The following PHACTR2 variants were observed in gnomAD, a reference collection of about 807,000 sequenced individuals.
PHACTR2 encodes chromosome 6 open reading frame 56.
A neutral mutation model predicts 76.0 loss-of-function variants in PHACTR2; 30 were observed. The observed-to-expected ratio is 0.39, with a 90% CI of 0.30 to 0.54. The LOEUF is 0.54. PHACTR2 is among the 20% of genes least tolerant of loss of function. The pLI is 0.61. For missense variants in PHACTR2, 696 were observed against 781.1 expected, an observed-to-expected ratio of 0.89 and a Z score of 1.30; for synonymous variants, 292 against 292.5, an observed-to-expected ratio of 1.00 and a Z score of 0.02.
In PHACTR2 at chr6:143,556,223, C is replaced by T. The variant is rs1191815038; in HGVS notation, c.217+19016C>T. ...TTGTGATACCAGCTACTGTATAATT[C>T]GGCCCCAGTTCATTTCAGACTTTCT... On this transcript the variant is annotated intron_variant, in intron 1 of 11. Transcript: ENST00000367584. The surrounding 1 kb of genome is among the most constrained non-coding windows in gnomAD (Gnocchi z 4.3). 2.6e-5 allele frequency among the ~76,000 whole-genome samples: 4 copies of T among 152,174 alleles called. No individual in the cohort carries two copies. The highest frequency in any genetic ancestry group is 2.9e-5 in the Non-Finnish European group (2 of 68,034).
At chr6:143,769,633 T>C (rs1406749330) in intron 6 of PHACTR2, among the ~76,000 whole-genome samples, 1 of 152,130 alleles carries the variant, frequency 6.6e-6, no homozygotes. Context: ...AGATGTATGC[T>C]GGACTCTTTG....
chr6:143,666,424 C>G (rs1383253022), intron 1 of PHACTR2, among the ~76,000 whole-genome samples: 5 of 152,158 alleles, frequency 3.3e-5, no homozygotes, highest in African/African-American at 1.2e-4. Context: ...GTTGGTATTT[C>G]TGGTTCTAGA....
At chr6:143,718,580 G>C (rs558220221) in intron 2 of PHACTR2, among the ~76,000 whole-genome samples, 1 of 152,192 alleles carries the variant, frequency 6.6e-6, no homozygotes, top group Admixed American at 6.5e-5. Flanking sequence ...GAAGGATTTT[G>C]TCTGAAGAAT....
intron 1 of PHACTR2, among the ~76,000 whole-genome samples, chr6:143,644,622 T>G (rs962533274): frequency 7.9e-5 from 12 of 152,246 alleles, no homozygotes; most frequent in Admixed American, 2.6e-4. Context: ...CTTTTCACAT[T>G]TTATCAGCTT....
chr6:143,676,572 C>T (rs781706301), upstream of PHACTR2, among the ~76,000 whole-genome samples: 3 of 152,078 alleles, frequency 2.0e-5, no homozygotes, highest in Non-Finnish European at 2.9e-5. This position sits in a 1 kb window ranked among gnomAD's most constrained non-coding sequence, Gnocchi z 4.8. Context: ...TACGGCAACT[C>T]AAAGCAAAGA....
rs1295121661 is a variant in PHACTR2, at chr6:143,771,150, ATATATATG to A, written c.1233-1100_1233-1093del. Among the ~76,000 whole-genome samples the A allele has an allele frequency of 8.4e-3, 427 of 51,050 alleles. 19 individuals are homozygous for A. The highest frequency in any genetic ancestry group is 0.056 in the East Asian group (49 of 868). 33.5% of individuals were successfully genotyped at this position (51,050 alleles called of 152,430 possible). ...ACTTTACATATATATATATGTATAT[ATATATATG>A]TATATATATATATATGTATATATAT... On this transcript the variant is annotated intron_variant, in intron 6 of 12. Coordinates refer to ENST00000440869, the MANE Select transcript of PHACTR2 (RefSeq NM_001100164.2).
chr6:143,603,145 CAAAAAAAAAA>C (rs751947717), intron 1 of PHACTR2, among the ~76,000 whole-genome samples: 1 of 78,820 alleles, frequency 1.3e-5, no homozygotes, highest in Non-Finnish European at 2.4e-5. Flanking sequence ...GACTCTGTCT[CAAAAAAAAAA>C]AAAAAAAAAA....
rs555144803 is a variant in PHACTR2, at chr6:143,820,071, G to A, written c.1923-3603G>A. 1.2e-4 allele frequency among the ~76,000 whole-genome samples: 19 copies of A among 152,094 alleles called. No homozygotes were observed. The highest frequency in any genetic ancestry group is 4.1e-4 in the African/African-American group (17 of 41,508). On this transcript the variant is annotated intron_variant, in intron 12 of 12. Coordinates refer to ENST00000440869, the MANE Select transcript of PHACTR2 (RefSeq NM_001100164.2). This position sits in a 1 kb window ranked among gnomAD's most constrained non-coding sequence, Gnocchi z 4.2. ...GCCCCACACTTTTAAACCAGACCTC[G>A]TGAGAAGTCACTCACCATCACAAAG...
chr6:143,643,295 C>T (rs1002201194), intron 1 of PHACTR2, among the ~76,000 whole-genome samples: 8 of 152,242 alleles, frequency 5.3e-5, no homozygotes, highest in Middle Eastern at 3.4e-3. Context: ...TTTAACGTCC[C>T]TTCTAGTTGG....
rs1562682860 is a variant in PHACTR2 at position 143,556,870 on chromosome 6, A to G, written c.217+19663A>G. Reference sequence around the variant, plus strand: ...AGAGTAAGTATTCTTTTTTAAAAATATGGGCCAGGAACTAATAAAAATGAT... The same window carrying G: ...AGAGTAAGTATTCTTTTTTAAAAATGTGGGCCAGGAACTAATAAAAATGAT... On this transcript the variant is annotated intron_variant, in intron 1 of 11. Transcript: ENST00000367584. The surrounding 1 kb of genome is among the most constrained non-coding windows in gnomAD (Gnocchi z 4.3). 6.6e-6 allele frequency among the ~76,000 whole-genome samples: 1 copy of G among 152,212 alleles called. No individual in the cohort carries two copies. Among genetic ancestry groups the G allele is most frequent in the Non-Finnish European group, 1.5e-5 (1 of 68,028 alleles).
Position 143,775,192 on chromosome 6 carries a change from G to A in PHACTR2, c.1589+977G>A, listed in dbSNP as rs904217796. ...TCCTTACAGCTGAGTTGTGCAGAAA[G>A]GTGTCAGAGACAGCAGCTGTGGCAT... On this transcript the variant is annotated intron_variant, in intron 8 of 12. Transcript: ENST00000440869. This position sits in a 1 kb window ranked among gnomAD's most constrained non-coding sequence, Gnocchi z 4.4. 6.6e-6 allele frequency among the ~76,000 whole-genome samples: 1 copy of A among 152,150 alleles called. No homozygotes were observed. Among genetic ancestry groups the A allele is most frequent in the Non-Finnish European group, 1.5e-5 (1 of 68,032 alleles).
intron 1 of PHACTR2, among the ~76,000 whole-genome samples, chr6:143,593,729 T>C (rs934207576): frequency 4.6e-5 from 7 of 152,248 alleles, no homozygotes; most frequent in African/African-American, 1.2e-4. Context: ...GATTAAAGTA[T>C]TGATTCATTT....
chr6:143,818,971 G>A lies in PHACTR2; in HGVS notation c.1923-4703G>A, dbSNP rs1315590292. 6.6e-6 allele frequency among the ~76,000 whole-genome samples: 1 copy of A among 152,162 alleles called. No homozygotes were observed. Among genetic ancestry groups the A allele is most frequent in the Non-Finnish European group, 1.5e-5 (1 of 68,026 alleles). On this transcript the variant is annotated intron_variant, in intron 12 of 12. Coordinates refer to ENST00000440869, the MANE Select transcript of PHACTR2 (RefSeq NM_001100164.2). The surrounding 1 kb of genome is among the most constrained non-coding windows in gnomAD (Gnocchi z 4.9). Reference sequence around the variant, plus strand: ...CTTCCATATTTTGCTTCAGGTTGTGGTTGACTCTTCCTAGAAAACATTTTG... The same window carrying A: ...CTTCCATATTTTGCTTCAGGTTGTGATTGACTCTTCCTAGAAAACATTTTG...
At position 143,731,869 on chromosome 6, in the gene PHACTR2, T is replaced by C. The variant is rs375958242; in HGVS notation, c.215-17116T>C. On this transcript the variant is annotated intron_variant, in intron 2 of 12. Coordinates refer to ENST00000440869, the MANE Select transcript of PHACTR2 (RefSeq NM_001100164.2). The surrounding 1 kb of genome is among the most constrained non-coding windows in gnomAD (Gnocchi z 4.9). Reference sequence around the variant, plus strand: ...ACCTGAAGATTTCTCTTTTGAAAGATTTAAATAGCATATTCAATTTCTTTT... The same window carrying C: ...ACCTGAAGATTTCTCTTTTGAAAGACTTAAATAGCATATTCAATTTCTTTT... Among the ~76,000 whole-genome samples, 4 of 152,228 alleles carry C rather than the reference T, an allele frequency of 2.6e-5. No homozygotes were observed. Among genetic ancestry groups the C allele is most frequent in the African/African-American group, 9.7e-5 (4 of 41,450 alleles).
intron 1 of PHACTR2, among the ~76,000 whole-genome samples, chr6:143,681,240 C>G (rs896004062): frequency 4.6e-5 from 7 of 152,172 alleles, no homozygotes; most frequent in Non-Finnish European, 1.0e-4. Flanking sequence ...ATGAAAGTTA[C>G]AGTTTCTCCA....
At position 143,660,548 on chromosome 6, in the gene PHACTR2, A is replaced by G. The variant is rs923128859; in HGVS notation, c.14-51468A>G. ...GGGACACAGCCAAACCATATCAGAC[A>G]TAAGCAGTGTATTGATACGGATCAG... On this transcript the variant is annotated intron_variant, in intron 1 of 11. Coordinates refer to the PHACTR2 transcript ENST00000305766. Among the ~76,000 whole-genome samples, 5 of 152,328 alleles carry G rather than the reference A, an allele frequency of 3.3e-5. 1 individual carries two copies. The highest frequency in any genetic ancestry group is 1.2e-4 in the African/African-American group (5 of 41,580).
chr6:143,704,974 G>T (rs1237218276), intron 1 of PHACTR2, among the ~76,000 whole-genome samples: 3 of 149,994 alleles, frequency 2.0e-5, no homozygotes, highest in Admixed American at 2.0e-4. Flanking sequence ...CTACACACAC[G>T]CTCCACCATG....
At chr6:143,609,404 GTA>G (rs71552903) in intron 1 of PHACTR2, among the ~76,000 whole-genome samples, 32,780 of 152,058 alleles carry the variant, frequency 0.22, 3,590 homozygotes, top group South Asian at 0.28. Context: ...AAGTGGAACA[GTA>G]TAATATCAGG....
rs117185133 is a variant in PHACTR2, at chr6:143,696,705, T to C, written c.47-15311T>C. Among the ~76,000 whole-genome samples the C allele has an allele frequency of 2.2e-4, 33 of 152,362 alleles. No individual in the cohort carries two copies. In the East Asian group the frequency reaches 6.0e-3, roughly 28 times the overall value. On this transcript the variant is annotated intron_variant, in intron 1 of 12. Transcript: ENST00000440869. This position sits in a 1 kb window ranked among gnomAD's most constrained non-coding sequence, Gnocchi z 4.1. Reference sequence around the variant, plus strand: ...TATTTAAATGGCTATTTCCTATTTTTTAAGCATACGCAAAGTCATATCAGG... The same window carrying C: ...TATTTAAATGGCTATTTCCTATTTTCTAAGCATACGCAAAGTCATATCAGG...
Sources: allele counts gnomAD v4.1 joint callset (sites outside exome capture counted in the v4.1 genomes callset), GRCh38; gene constraint gnomAD v4.1.1; non-coding constraint Gnocchi (gnomAD v3.1); transcripts MANE v1.5; gene names NCBI Gene and HGNC (gene_info 2026-07-23, HGNC 2026-07-21).